MIA2: variants seen among roughly 807,000 people sequenced by gnomAD.
The protein encoded by MIA2 is MIA SH3 domain ER export factor 2, also known as melanoma inhibitory activity protein 2.
MIA2 carries 127 observed loss-of-function variants against 167.8 expected under a neutral mutation model. The ratio of observed to expected loss-of-function variants is 0.76; its 90% confidence interval spans 0.66 to 0.88. The LOEUF (loss-of-function observed/expected upper bound fraction) is 0.88. MIA2 is among the 40% of genes least tolerant of loss of function. The pLI, the probability that MIA2 is intolerant of heterozygous loss-of-function variation, is 0.00. For synonymous variants in MIA2, 552 were observed against 541.9 expected, an observed-to-expected ratio of 1.02 and a Z score of -0.26; for missense variants, 1,690 against 1,624.7, an observed-to-expected ratio of 1.04 and a Z score of -0.69.
intron 10 of MIA2, among the ~76,000 whole-genome samples, chr14:39,292,921 G>T (rs1369412879): frequency 6.6e-6 from 1 of 151,998 alleles, no homozygotes; most frequent in Non-Finnish European, 1.5e-5. Flanking sequence ...TTTAAGCAGA[G>T]GTTGGCAAAC....
At chr14:39,327,545 A>G (rs2067829426) in intron 25 of MIA2, among the ~76,000 whole-genome samples, 1 of 152,096 alleles carries the variant, frequency 6.6e-6, no homozygotes, top group Non-Finnish European at 1.5e-5. Context: ...GAATATCTTG[A>G]AATAAGATAA....
chr14:39,248,095 A>C lies in MIA2; in HGVS notation c.1521A>C (p.Thr507=), dbSNP rs1293638471. ...AATTTTCCATTGATAATTATCCCAC[A>C]GATAATACAAAAGTTATGATATTCA... ...TGEFSIDNYP[T]DNTKVMIFKS... The change falls in exon 4 of 29, where the codon ACA becomes ACC. Residue 507 remains threonine (T), a synonymous_variant. Transcript: ENST00000640607. 6.5e-7 allele frequency: 1 copy of C among 1,545,934 alleles called. No individual in the cohort carries two copies. The highest frequency in any genetic ancestry group is 2.2e-5 in the Admixed American group (1 of 45,228).
chr14:39,332,713 G>A (rs924786181), intron 25 of MIA2, among the ~76,000 whole-genome samples: 10 of 151,914 alleles, frequency 6.6e-5, no homozygotes, highest in Non-Finnish European at 1.2e-4. Flanking sequence ...GTGAGGTGAC[G>A]CCCACCCTGC....
intron 23 of MIA2, among the ~76,000 whole-genome samples, chr14:39,356,568 G>C (rs1004230076): frequency 6.6e-6 from 1 of 152,134 alleles, no homozygotes; most frequent in African/African-American, 2.4e-5. Context: ...GTTCTGCTCT[G>C]ATATTACTTA....
intron 23 of MIA2, among the ~76,000 whole-genome samples, chr14:39,359,640 C>T (rs934085803): frequency 3.9e-5 from 6 of 152,182 alleles, no homozygotes; most frequent in African/African-American, 9.7e-5. Flanking sequence ...TCTTCTGCGT[C>T]GCTCACACTG....
At chr14:39,366,989 C>T (rs369497941) in intron 23 of MIA2, among the ~76,000 whole-genome samples, 21 of 152,286 alleles carry the variant, frequency 1.4e-4, no homozygotes, top group African/African-American at 5.1e-4. Context: ...GCCAGTGGCG[C>T]ACGCTTGGGT....
intron 6 of MIA2, chr14:39,253,668 A>G (rs1294461072): frequency 6.6e-6 from 1 of 152,382 alleles, no homozygotes; most frequent in Non-Finnish European, 1.5e-5. Context: ...TAAACTAAAA[A>G]AAACTGAAAA....
chr14:39,328,126 A>G (rs555597343), intron 25 of MIA2, among the ~76,000 whole-genome samples: 1 of 152,298 alleles, frequency 6.6e-6, no homozygotes, highest in East Asian at 1.9e-4. Flanking sequence ...CCTCTGCAGC[A>G]TCTGTAGTTT....
intron 23 of MIA2, among the ~76,000 whole-genome samples, chr14:39,369,524 T>C (rs984791587): frequency 2.6e-5 from 4 of 152,252 alleles, no homozygotes; most frequent in African/African-American, 9.6e-5. Context: ...CAGCCCCTGG[T>C]AACAGATTCT....
At position 39,364,452 on chromosome 14, in the gene MIA2, T is replaced by C. The variant is rs538884231; in HGVS notation, c.2248+15475T>C. ...GTTTGTTGGTTTTTTTTTTGTTTTGTTTTTTTTTGTAGTGGTAACATTTGA... is the reference window on the plus strand; with the variant it reads ...GTTTGTTGGTTTTTTTTTTGTTTTGCTTTTTTTTGTAGTGGTAACATTTGA... On this transcript the variant is annotated intron_variant, in intron 23 of 23. Coordinates refer to the MIA2 transcript ENST00000341502. 2.7e-5 allele frequency among the ~76,000 whole-genome samples: 4 copies of C among 148,840 alleles called. No homozygotes were observed. In the South Asian group the frequency reaches 9.0e-4, roughly 33 times the overall value.
At chr14:39,255,406 G>A (rs928133979) in intron 6 of MIA2, among the ~76,000 whole-genome samples, 2 of 152,142 alleles carry the variant, frequency 1.3e-5, no homozygotes, top group African/African-American at 2.4e-5. Flanking sequence ...TACTTGAGAG[G>A]CTGAGACACA....
At position 39,359,929 on chromosome 14, in the gene MIA2, A is replaced by G. The variant is rs375614903; in HGVS notation, c.2248+10952A>G. Among the ~76,000 whole-genome samples the G allele has an allele frequency of 6.1e-4, 93 of 151,610 alleles. 1 individual carries two copies. The highest frequency in any genetic ancestry group is 2.1e-3 in the African/African-American group (87 of 41,372). On this transcript the variant is annotated intron_variant, in intron 23 of 23. Transcript: ENST00000341502. ...CCATACTCTTTGCCATAGTGGTTAT[A>G]CTAATTTACATTCCTACCAACAGTG...
intron 25 of MIA2, among the ~76,000 whole-genome samples, chr14:39,336,625 C>T (rs913038316): frequency 1.3e-5 from 2 of 152,148 alleles, no homozygotes; most frequent in Non-Finnish European, 2.9e-5. Flanking sequence ...CTTATATGTG[C>T]TTTTAATTAG....
intron 24 of MIA2, among the ~76,000 whole-genome samples, chr14:39,324,180 G>A (rs1046874771): frequency 2.0e-5 from 3 of 152,206 alleles, no homozygotes; most frequent in Non-Finnish European, 4.4e-5. Flanking sequence ...TGGGTAGTCA[G>A]TTGGCCTGTA....
chr14:39,371,892 G>T (rs1284025836), intron 23 of MIA2, among the ~76,000 whole-genome samples: 2 of 151,972 alleles, frequency 1.3e-5, no homozygotes, highest in Admixed American at 1.3e-4. Flanking sequence ...TCTGTGTAGG[G>T]GCAACATCTC....
intron 14 of MIA2, 107 bp downstream of exon 14, chr14:39,300,093 A>G (rs2062144527): frequency 6.3e-6 from 9 of 1,420,012 alleles, no homozygotes; most frequent in African/African-American, 2.9e-5. Context: ...ACATATTTTC[A>G]TAACATATTT....
At chr14:39,314,667 T>G (rs2065011103) in intron 19 of MIA2, 72 bp from the exon 20 acceptor site, 3 of 1,047,614 alleles carry the variant, frequency 2.9e-6, no homozygotes, top group Admixed American at 5.2e-5. Context: ...AATAAATATT[T>G]TTTTAGTAGA....
rs2060139404 is a variant in MIA2, at chr14:39,288,448, TATATATATATATATATATATA to T, written c.2131-2570_2131-2550del. On this transcript the variant is annotated intron_variant, in intron 9 of 28. Transcript: ENST00000640607. ...TATATTATACATATATATATATATATATATATATATATATATATATATATATATTTTTTTTTTTTTTTTTGA... is the reference window on the plus strand; with the variant it reads ...TATATTATACATATATATATATATATTATATATTTTTTTTTTTTTTTTTGA... 3.3e-3 allele frequency among the ~76,000 whole-genome samples: 114 copies of T among 34,680 alleles called. 7 individuals carry two copies. The highest frequency in any genetic ancestry group is 3.9e-3 in the Admixed American group (10 of 2,570). 22.8% of individuals were successfully genotyped at this position (34,680 alleles called of 152,430 possible).
intron 26 of MIA2, 80 bp from the exon 27 acceptor site, chr14:39,347,632 AT>A (rs1205017670): frequency 1.4e-6 from 2 of 1,458,184 alleles, no homozygotes; most frequent in Non-Finnish European, 1.9e-6. Flanking sequence ...GAGTGGGAAA[AT>A]ACCAATTTTG....
Sources: gnomAD v4.1 joint callset for allele counts (sites outside exome capture counted in the v4.1 genomes callset) on GRCh38, gnomAD v4.1.1 for gene constraint, MANE v1.5 for transcripts, NCBI Gene and HGNC (gene_info 2026-07-23, HGNC 2026-07-21) for gene names.